MYO9A: variants seen among roughly 807,000 people sequenced by gnomAD.
MYO9A encodes the protein unconventional myosin-IXa.
MYO9A carries 103 observed loss-of-function variants against 293.3 expected under a neutral mutation model. That is an observed-to-expected ratio of 0.35 (90% CI 0.30 to 0.41). The LOEUF is 0.41. Among genes scored for constraint, MYO9A ranks in the 10% least tolerant of loss-of-function variants. The pLI is 1.00. For synonymous variants in MYO9A, 1,001 were observed against 1,035.7 expected (o/e 0.97, Z 0.64); for missense variants, 2,685 against 3,033.0 (o/e 0.89, Z 2.69).
In MYO9A at chr15:71,983,930, A is replaced by T. The variant is rs116820047; in HGVS notation, c.1723-5638T>A. Among the ~76,000 whole-genome samples the T allele has an allele frequency of 4.5e-3, 682 of 152,332 alleles. 4 individuals carry two copies. Among genetic ancestry groups the T allele is most frequent in the African/African-American group, 0.015 (638 of 41,570 alleles). On this transcript the variant is annotated intron_variant, in intron 11 of 41. Coordinates refer to ENST00000356056, the MANE Select transcript of MYO9A (RefSeq NM_006901.4). ...TAGGAAACAACTTGCTGCCTAAACA[A>T]TATACCTTGGTTTTAAGGAAAATAT... is the stretch of plus-strand genomic sequence containing the variant.
At chr15:71,871,209 CA>C (rs1167032616) in intron 32 of MYO9A, among the ~76,000 whole-genome samples, 1 of 151,510 alleles carries the variant, frequency 6.6e-6, no homozygotes, top group Non-Finnish European at 1.5e-5. Context: ...CCCATCTCTA[CA>C]AAAAATGAAA....
At chr15:72,049,605 T>A (rs930740994) in intron 1 of MYO9A, among the ~76,000 whole-genome samples, 1 of 152,216 alleles carries the variant, frequency 6.6e-6, no homozygotes, top group African/African-American at 2.4e-5. Context: ...AGCAGGCAAG[T>A]AAGCATTACT....
intron 27 of MYO9A, among the ~76,000 whole-genome samples, chr15:71,884,923 A>G (rs1156520302): frequency 1.3e-5 from 2 of 150,568 alleles, no homozygotes; most frequent in Admixed American, 1.3e-4. Context: ...AATCAAGTCT[A>G]TCTGGTTTTG....
chr15:72,117,385 G>C (rs895626364), intron 1 of MYO9A, among the ~76,000 whole-genome samples: 1 of 152,202 alleles, frequency 6.6e-6, no homozygotes, highest in Non-Finnish European at 1.5e-5. Context: ...GCTCCATTAA[G>C]AGTCCTAAGG....
At chr15:71,935,541 TA>T (rs1281457198) in intron 16 of MYO9A, 57 bp from the exon 17 acceptor site, 2 of 1,437,876 alleles carry the variant, frequency 1.4e-6, no homozygotes, top group Non-Finnish European at 1.9e-6. Context: ...CTATACTGCT[TA>T]AATAAGTAAA....
At chr15:72,019,593 AATATT>A (rs1363590312) in intron 5 of MYO9A, among the ~76,000 whole-genome samples, 2 of 152,220 alleles carry the variant, frequency 1.3e-5, no homozygotes, top group African/African-American at 4.8e-5. Flanking sequence ...AAAAATTAAT[AATATT>A]ATATCAGAAA....
intron 18 of MYO9A, among the ~76,000 whole-genome samples, chr15:71,924,989 T>C (rs750422413): frequency 6.6e-6 from 1 of 151,958 alleles, no homozygotes; most frequent in Admixed American, 6.6e-5. Context: ...GTTTTGTAAA[T>C]GTCTGTTAGG....
chr15:72,009,239 T>C (rs2077104677), intron 7 of MYO9A, among the ~76,000 whole-genome samples: 1 of 152,208 alleles, frequency 6.6e-6, no homozygotes, highest in Non-Finnish European at 1.5e-5. Flanking sequence ...GTAGTTTATG[T>C]CACCAATTGA....
chr15:72,106,678 G>A, intron 1 of MYO9A, among the ~76,000 whole-genome samples: 1 of 151,884 alleles, frequency 6.6e-6, no homozygotes, highest in Non-Finnish European at 1.5e-5. Context: ...ACAGGTCACT[G>A]CAGCCTCAAC....
chr15:71,901,378 A>G lies in MYO9A; in HGVS notation c.3001-38T>C, dbSNP rs1307610037. On this transcript the variant is annotated intron_variant, in intron 22 of 41. Coordinates refer to ENST00000356056, the MANE Select transcript of MYO9A (RefSeq NM_006901.4). ...AGAAAGATGAGGAATGCAGCTTAAG[A>G]AGAAATGAGAAATTTATTTCATGAA... is the stretch of plus-strand genomic sequence containing the variant. The G allele has an allele frequency of 1.9e-6, 3 of 1,570,434 alleles. No homozygotes were observed. In the East Asian group the frequency reaches 6.9e-5, roughly 36 times the overall value.
intron 15 of MYO9A, among the ~76,000 whole-genome samples, chr15:71,948,952 GA>G (rs35551139): frequency 0.72 from 99,975 of 138,012 alleles, 36,603 homozygotes; most frequent in Non-Finnish European, 0.8. Flanking sequence ...TTTTTTTTGT[GA>G]GGGGGGGGGA....
At chr15:72,077,450 G>A (rs2079388358) in intron 1 of MYO9A, among the ~76,000 whole-genome samples, 1 of 151,986 alleles carries the variant, frequency 6.6e-6, no homozygotes, top group African/African-American at 2.4e-5. Flanking sequence ...CTAGCACTTG[G>A]GGAGGCAGAT....
chr15:71,889,849 C>T (rs1442086448), intron 26 of MYO9A: 1 of 152,172 alleles, frequency 6.6e-6, no homozygotes, highest in Non-Finnish European at 1.5e-5. Context: ...GAACAGATAG[C>T]TGCAATGCTA....
At chr15:71,863,742 G>A (rs150491529) in intron 32 of MYO9A, among the ~76,000 whole-genome samples, 225 of 152,232 alleles carry the variant, frequency 1.5e-3, no homozygotes, top group African/African-American at 4.7e-3. Flanking sequence ...GGTGAAGTCA[G>A]GGCTTTTAGG....
chr15:72,045,995 T>C lies in MYO9A; in HGVS notation c.569A>G (p.Lys190Arg), dbSNP rs558396777. 6 of 1,614,142 alleles carry C rather than the reference T, an allele frequency of 3.7e-6. No homozygotes were observed. The South Asian group carries it at 6.6e-5, about 18-fold the overall frequency. The change falls in exon 2 of 42, where the codon AAG (lysine) becomes AGG (arginine). Residue 190 changes from lysine (K) to arginine (R), a missense_variant. By Grantham distance (26) the Lys-to-Arg change is conservative. Transcript: ENST00000356056. Reference protein sequence around the residue: ...GSILIVINPFKFLPIYNPKYV... With the variant: ...GSILIVINPFRFLPIYNPKYV... ...TTTGGGGTTATAAATAGGAAGAAAC[T>C]TGAATGGGTTAATAACTATTAGAAT...
In MYO9A at chr15:71,903,045, G is replaced by T; in HGVS notation, c.2896C>A (p.His966Asn). Residue 966 changes from histidine (H) to asparagine (N), a missense_variant, in exon 22 of 42, where the codon CAT becomes AAT. This residue lies in a region of MYO9A where 1,434 missense variants were observed against 1,497.7 expected (regional missense o/e 0.96). Transcript: ENST00000356056. The part of the protein sequence containing the change: ...YSFQDFVSHF[H>N]VLLPRNIIPS... ...ATAATATTTCGGGGAAGAAGTACATGGAAGTGGCTCACAAAATCCTGAAAA... is the reference window on the plus strand; with the variant it reads ...ATAATATTTCGGGGAAGAAGTACATTGAAGTGGCTCACAAAATCCTGAAAA... 1 of 1,593,336 alleles carries T rather than the reference G, an allele frequency of 6.3e-7. No individual in the cohort carries two copies. Among genetic ancestry groups the T allele is most frequent in the Non-Finnish European group, 8.6e-7 (1 of 1,167,620 alleles).
At chr15:72,053,758 C>T (rs1450257202) in intron 1 of MYO9A, among the ~76,000 whole-genome samples, 3 of 152,128 alleles carry the variant, frequency 2.0e-5, no homozygotes, top group South Asian at 4.1e-4. Context: ...CCCTGAAACA[C>T]ACAATTTATC....
chr15:71,845,536 C>CTAT (rs557483205), intron 39 of MYO9A, among the ~76,000 whole-genome samples: 29 of 152,302 alleles, frequency 1.9e-4, no homozygotes, highest in African/African-American at 6.7e-4. Context: ...TACTAAGATG[C>CTAT]TATTTGCCAT....
At chr15:71,928,435 G>A (rs2058386918) in intron 18 of MYO9A, among the ~76,000 whole-genome samples, 1 of 151,604 alleles carries the variant, frequency 6.6e-6, no homozygotes, top group South Asian at 2.1e-4. Context: ...GGGTTTTTTT[G>A]TGTATTCATA....
Sources: allele counts gnomAD v4.1 joint callset (sites outside exome capture counted in the v4.1 genomes callset), GRCh38; gene constraint gnomAD v4.1.1; regional missense constraint gnomAD v4.1.1; transcripts MANE v1.5; gene names NCBI Gene and HGNC (gene_info 2026-07-23, HGNC 2026-07-21).